GRAMD2A: variants seen among roughly 807,000 people sequenced by gnomAD.
GRAMD2A encodes the protein GRAM domain containing 2A, also known as GRAM domain-containing protein 2A.
A neutral mutation model predicts 51.1 loss-of-function variants in GRAMD2A; 37 were observed. That is an observed-to-expected ratio of 0.72 (90% CI 0.56 to 0.95). The LOEUF (loss-of-function observed/expected upper bound fraction) is 0.95, where lower values mean the gene tolerates loss of function less well. Ranked by LOEUF, GRAMD2A falls within the 40% of genes least tolerant of loss-of-function variation. The probability of loss-of-function intolerance (pLI) is 0.00; values close to 1 mark genes in which losing one functional copy is unlikely to be tolerated. For missense variants in GRAMD2A, 414 were observed against 426.9 expected (o/e 0.97, Z 0.27); for synonymous variants, 136 against 157.1 (o/e 0.87, Z 1.01).
At chr15:72,168,597 G>A (rs746568075) in intron 3 of GRAMD2A, 31 bp from the exon 4 acceptor site, 16 of 1,585,720 alleles carry the variant, frequency 1.0e-5, no homozygotes, top group Middle Eastern at 1.8e-4. Context: ...TCTGAGAAGC[G>A]CTGGGAGATG....
intron 1 of GRAMD2A, among the ~76,000 whole-genome samples, chr15:72,180,627 G>T (rs540194327): frequency 6.6e-6 from 1 of 152,230 alleles, no homozygotes; most frequent in East Asian, 1.9e-4. Flanking sequence ...AATTACTCTG[G>T]CTTTGTGGAT....
chr15:72,174,101 G>A (rs938165115), intron 1 of GRAMD2A, among the ~76,000 whole-genome samples: 18 of 152,080 alleles, frequency 1.2e-4, no homozygotes, highest in African/African-American at 4.1e-4. Context: ...TAAACCTGCC[G>A]CGCTCTCAAA....
In GRAMD2A at chr15:72,188,831, C is replaced by T. The variant is rs139159956; in HGVS notation, c.41+8900G>A. 1.2e-3 allele frequency among the ~76,000 whole-genome samples: 178 copies of T among 152,058 alleles called. 1 individual carries two copies. In the East Asian group the frequency reaches 0.014, roughly 12 times the overall value. ...CCAAGTAGCTGGGATTACAGGTGCC[C>T]GCCACCTCAGCCAGCTAAATTTTTG... On this transcript the variant is annotated intron_variant, in intron 1 of 11. Coordinates refer to ENST00000309731, the MANE Select transcript of GRAMD2A (RefSeq NM_001012642.3).
rs2081459617 is a variant in GRAMD2A, at chr15:72,160,353, GGAT to G, written c.*1653_*1655del. On this transcript the variant is annotated 3_prime_UTR_variant, in exon 12 of 12. Coordinates refer to ENST00000309731, the MANE Select transcript of GRAMD2A (RefSeq NM_001012642.3). ...GGTTCCAAAAAAAAAAAAAAAAAAA[GGAT>G]GACCATTCATGGAACAGTGAGTTTC... The G allele has an allele frequency of 6.8e-6, 1 of 146,194 alleles. No individual in the cohort carries two copies. Among genetic ancestry groups the G allele is most frequent in the African/African-American group, 2.5e-5 (1 of 39,460 alleles). 9.1% of individuals were successfully genotyped at this position (146,194 alleles called of 1,614,324 possible). A position where few individuals can be genotyped will look rare whatever the true frequency, so the allele number is the denominator to read the frequency against.
In GRAMD2A at chr15:72,161,997, G is replaced by T. The variant is rs2081480973; in HGVS notation, c.*12C>A. The T allele has an allele frequency of 6.2e-7, 1 of 1,614,060 alleles. No individual in the cohort carries two copies. Among genetic ancestry groups the T allele is most frequent in the East Asian group, 2.2e-5 (1 of 44,880 alleles). Reference sequence around the variant, plus strand: ...TCTTGGAGAAGGAATGGGGACAAAGGCCAAGTGGCTGTTACCTGCACACAG... The same window carrying T: ...TCTTGGAGAAGGAATGGGGACAAAGTCCAAGTGGCTGTTACCTGCACACAG... On this transcript the variant is annotated 3_prime_UTR_variant, in exon 12 of 12. Coordinates refer to ENST00000309731, the MANE Select transcript of GRAMD2A (RefSeq NM_001012642.3).
chr15:72,177,793 T>A (rs1169144145), intron 1 of GRAMD2A, among the ~76,000 whole-genome samples: 1 of 152,244 alleles, frequency 6.6e-6, no homozygotes. Context: ...AGTGGCATAA[T>A]CTCAGCTCAC....
intron 1 of GRAMD2A, among the ~76,000 whole-genome samples, chr15:72,186,232 C>G (rs769081749): frequency 5.9e-5 from 9 of 152,014 alleles, no homozygotes; most frequent in Non-Finnish European, 1.0e-4. Flanking sequence ...TCATTATTCC[C>G]CATTATAAGA....
At position 72,163,492 on chromosome 15, in the gene GRAMD2A, G is replaced by GAA; in HGVS notation, c.746-18_746-17dup. On this transcript the variant is annotated splice_polypyrimidine_tract_variant and intron_variant, in intron 9 of 11. Transcript: ENST00000309731. Reference sequence around the variant, plus strand: ...CTTGACTTTTCTTTATGGATTGGGAGAAAAAAAAAATCAGCTCTCAGAAGC... The same window carrying GAA: ...CTTGACTTTTCTTTATGGATTGGGAGAAAAAAAAAAAATCAGCTCTCAGAAGC... The GAA allele has an allele frequency of 1.9e-6, 3 of 1,541,098 alleles. No homozygotes were observed. The highest frequency in any genetic ancestry group is 1.8e-6 in the Non-Finnish European group (2 of 1,129,690).
chr15:72,190,159 A>G (rs563860281), intron 1 of GRAMD2A, among the ~76,000 whole-genome samples: 2 of 152,078 alleles, frequency 1.3e-5, no homozygotes, highest in South Asian at 4.2e-4. Context: ...GGAGGATCAC[A>G]AGGTCAGGAG....
At chr15:72,179,419 A>T (rs1486173805) in intron 1 of GRAMD2A, among the ~76,000 whole-genome samples, 1 of 152,232 alleles carries the variant, frequency 6.6e-6, no homozygotes, top group Non-Finnish European at 1.5e-5. Context: ...AGAGAGAGCC[A>T]GGTAGGTGCG....
chr15:72,160,154 C>T lies in GRAMD2A; in HGVS notation c.*1855G>A, dbSNP rs2081455567. The stretch of plus-strand genomic sequence containing the variant: ...GGGTATAGCTGAAGACCAAGTTCAC[C>T]AGCATCTTGGCACATCCACCTATAA... On this transcript the variant is annotated 3_prime_UTR_variant, in exon 12 of 12. Transcript: ENST00000309731. 1 of 152,126 alleles carries T rather than the reference C, an allele frequency of 6.6e-6. No homozygotes were observed. Among genetic ancestry groups the T allele is most frequent in the South Asian group, 2.1e-4 (1 of 4,818 alleles). 9.4% of individuals were successfully genotyped at this position (152,126 alleles called of 1,614,324 possible). A position where few individuals can be genotyped will look rare whatever the true frequency, so the allele number is the denominator to read the frequency against.
rs531494533 is a variant in GRAMD2A at position 72,166,121 on chromosome 15, G to A, written c.543+511C>T. On this transcript the variant is annotated intron_variant, in intron 7 of 11. Transcript: ENST00000309731. This position sits in a 1 kb window ranked among gnomAD's most constrained non-coding sequence, Gnocchi z 4.1. The stretch of plus-strand genomic sequence containing the variant: ...TGACCTCAGGTGATCCACCTGCCTC[G>A]GCCTCCCAAAGTGCTGGGACCATAC... Among the ~76,000 whole-genome samples the A allele has an allele frequency of 9.9e-5, 15 of 152,152 alleles. No individual in the cohort carries two copies. Among genetic ancestry groups the A allele is most frequent in the African/African-American group, 3.1e-4 (13 of 41,514 alleles).
rs1483574848 is a variant in GRAMD2A at position 72,160,479 on chromosome 15, CTGGTAGTCCCT to C, written c.*1519_*1529del. 6.6e-6 allele frequency: 1 copy of C among 152,162 alleles called. No individual in the cohort carries two copies. The highest frequency in any genetic ancestry group is 1.5e-5 in the Non-Finnish European group (1 of 68,036). 9.4% of individuals were successfully genotyped at this position (152,162 alleles called of 1,614,324 possible). ...GGGGAGAGCATGAAGAGACCACTTA[CTGGTAGTCCCT>C]CCAATTCTCATTTGGGTTTGTCATA... is the stretch of plus-strand genomic sequence containing the variant. On this transcript the variant is annotated 3_prime_UTR_variant, in exon 12 of 12. Transcript: ENST00000309731.
At chr15:72,163,195 C>T (rs185221733) in intron 10 of GRAMD2A, 71 bp downstream of exon 10, 3 of 1,063,436 alleles carry the variant, frequency 2.8e-6, no homozygotes, top group East Asian at 4.8e-5. Context: ...ATTCCCCACA[C>T]TCCAAGGCCC....
intron 1 of GRAMD2A, among the ~76,000 whole-genome samples, chr15:72,194,392 C>T (rs796254511): frequency 5.9e-5 from 9 of 152,122 alleles, no homozygotes; most frequent in African/African-American, 9.6e-5. Context: ...TTTGGGGGGA[C>T]GGGGAATAAG....
rs1321314805 is a variant in GRAMD2A at position 72,159,856 on chromosome 15, G to C, written c.*2153C>G. 1 of 152,100 alleles carries C rather than the reference G, an allele frequency of 6.6e-6. No homozygotes were observed. The allele number at this position is 152,100 out of a possible 1,614,324, so 9.4% of individuals were successfully genotyped here. A position where few individuals can be genotyped will look rare whatever the true frequency, so the allele number is the denominator to read the frequency against. The stretch of plus-strand genomic sequence containing the variant: ...TTTTAAAATATTTTCAAAGGCTAAG[G>C]CCATAGCAAAACAACCCAAGGGTGG... On this transcript the variant is annotated 3_prime_UTR_variant, in exon 12 of 12. Coordinates refer to ENST00000309731, the MANE Select transcript of GRAMD2A (RefSeq NM_001012642.3).
At position 72,160,406 on chromosome 15, in the gene GRAMD2A, A is replaced by G. The variant is rs2081460631; in HGVS notation, c.*1603T>C. ...CACCTGAGACATACAGATTTGGTGCAAGCAACACAAAAGGCCAGGCTCTAA... is the reference window on the plus strand; with the variant it reads ...CACCTGAGACATACAGATTTGGTGCGAGCAACACAAAAGGCCAGGCTCTAA... On this transcript the variant is annotated 3_prime_UTR_variant, in exon 12 of 12. Coordinates refer to ENST00000309731, the MANE Select transcript of GRAMD2A (RefSeq NM_001012642.3). The G allele has an allele frequency of 6.6e-6, 1 of 152,048 alleles. No individual in the cohort carries two copies. Among genetic ancestry groups the G allele is most frequent in the Non-Finnish European group, 1.5e-5 (1 of 68,026 alleles). 9.4% of individuals were successfully genotyped at this position (152,048 alleles called of 1,614,324 possible).
intron 8 of GRAMD2A, among the ~76,000 whole-genome samples, chr15:72,164,240 C>T (rs919088473): frequency 1.3e-5 from 2 of 152,134 alleles, no homozygotes; most frequent in Non-Finnish European, 2.9e-5. Flanking sequence ...CTAAAGGAGC[C>T]TTCAAACACC....
chr15:72,160,960 G>A lies in GRAMD2A; in HGVS notation c.*1049C>T, dbSNP rs951057758. 5 of 152,308 alleles carry A rather than the reference G, an allele frequency of 3.3e-5. No individual in the cohort carries two copies. Among genetic ancestry groups the A allele is most frequent in the African/African-American group, 1.2e-4 (5 of 41,436 alleles). The allele number at this position is 152,308 out of a possible 1,614,324, so 9.4% of individuals were successfully genotyped here. A position where few individuals can be genotyped will look rare whatever the true frequency, so the allele number is the denominator to read the frequency against. ...CATGGAGTGGAGGTCCCTCCTCCAT[G>A]GCCTGCAACCCAATGACTATGGGGG... is the stretch of plus-strand genomic sequence containing the variant. On this transcript the variant is annotated 3_prime_UTR_variant, in exon 12 of 12. Coordinates refer to ENST00000309731, the MANE Select transcript of GRAMD2A (RefSeq NM_001012642.3).
Sources: gnomAD v4.1 joint callset for allele counts (sites outside exome capture counted in the v4.1 genomes callset) on GRCh38, gnomAD v4.1.1 for gene constraint, Gnocchi (gnomAD v3.1) non-coding constraint, MANE v1.5 for transcripts, NCBI Gene and HGNC (gene_info 2026-07-23, HGNC 2026-07-21) for gene names.